Variants in PPP2R5E observed in about 807,000 individuals in gnomAD.
PPP2R5E encodes protein phosphatase 2 regulatory subunit B'epsilon.
A neutral mutation model predicts 65.3 loss-of-function variants in PPP2R5E; 4 were observed. That is an observed-to-expected ratio of 0.06 (90% confidence interval 0.03 to 0.14). The LOEUF (loss-of-function observed/expected upper bound fraction) is 0.14. Ranked by LOEUF, PPP2R5E falls within the 10% of genes least tolerant of loss-of-function variation. PPP2R5E has a pLI of 1.00. For synonymous variants in PPP2R5E, 183 were observed against 187.4 expected (o/e 0.98, Z 0.19); for missense variants, 274 against 556.1 (o/e 0.49, Z 5.10).
chr14:63,511,061 A>T (rs1892433321), intron 2 of PPP2R5E, among the ~76,000 whole-genome samples: 1 of 152,190 alleles, frequency 6.6e-6, no homozygotes, highest in Non-Finnish European at 1.5e-5. Flanking sequence ...AATGGCCACA[A>T]ATTCTTTCCC....
At position 63,533,630 on chromosome 14, in the gene PPP2R5E, T is replaced by A. The variant is rs368986314; in HGVS notation, c.157+5899A>T. 3.8e-4 allele frequency among the ~76,000 whole-genome samples: 57 copies of A among 149,730 alleles called. 1 individual carries two copies. The highest frequency in any genetic ancestry group is 1.4e-3 in the African/African-American group (56 of 40,718). On this transcript the variant is annotated intron_variant, in intron 2 of 13. Transcript: ENST00000337537. ...ATCTGCAAAATGCCTCGGAAATGTA[T>A]AATGAATTGTGAGACAAGAAATAAC... is the stretch of plus-strand genomic sequence containing the variant.
intron 4 of PPP2R5E, among the ~76,000 whole-genome samples, chr14:63,417,646 G>A (rs556473625): frequency 3.3e-5 from 5 of 152,264 alleles, no homozygotes; most frequent in African/African-American, 1.2e-4. Flanking sequence ...GTGCTTGAGG[G>A]TCAAAATGTA....
At chr14:63,522,286 G>A (rs1338637179) in intron 2 of PPP2R5E, among the ~76,000 whole-genome samples, 3 of 151,946 alleles carry the variant, frequency 2.0e-5, no homozygotes, top group Non-Finnish European at 4.4e-5. Flanking sequence ...CGTGATCTCG[G>A]CTCGCTACAA....
chr14:63,531,639 G>T (rs1000810738), intron 2 of PPP2R5E, among the ~76,000 whole-genome samples: 1 of 151,944 alleles, frequency 6.6e-6, no homozygotes, highest in Non-Finnish European at 1.5e-5. Context: ...CGAAAGTAAA[G>T]CTTATGGTTA....
intron 3 of PPP2R5E, among the ~76,000 whole-genome samples, chr14:63,448,647 G>C (rs988352321): frequency 2.0e-5 from 3 of 152,110 alleles, no homozygotes; most frequent in Non-Finnish European, 2.9e-5. Context: ...AAATTAGCCA[G>C]GCGTGGTGGC....
rs568806913 is a variant in PPP2R5E, at chr14:63,423,377, G to A, written c.355-1283C>T. Among the ~76,000 whole-genome samples, 42 of 152,302 alleles carry A rather than the reference G, an allele frequency of 2.8e-4. No homozygotes were observed. In the Middle Eastern group the frequency reaches 0.01, roughly 37 times the overall value. On this transcript the variant is annotated intron_variant, in intron 3 of 13. Coordinates refer to ENST00000337537, the MANE Select transcript of PPP2R5E (RefSeq NM_006246.5). The stretch of plus-strand genomic sequence containing the variant: ...CTCCCAAAGTGCAGGGATTACAGGC[G>A]TGAGACACCACACCTGGCCTATTAC...
chr14:63,511,771 CA>C (rs1352031204), intron 2 of PPP2R5E, among the ~76,000 whole-genome samples: 3 of 151,950 alleles, frequency 2.0e-5, no homozygotes, highest in Non-Finnish European at 4.4e-5. Flanking sequence ...GTTCTCTGTG[CA>C]AAAAATTACC....
intron 2 of PPP2R5E, among the ~76,000 whole-genome samples, chr14:63,477,082 G>C (rs1293841239): frequency 6.6e-6 from 1 of 151,950 alleles, no homozygotes; most frequent in Non-Finnish European, 1.5e-5. Flanking sequence ...GCTTATAAAG[G>C]CCACAATACC....
chr14:63,536,241 A>C (rs954024144), intron 2 of PPP2R5E, among the ~76,000 whole-genome samples: 2 of 152,200 alleles, frequency 1.3e-5, no homozygotes, highest in Non-Finnish European at 2.9e-5. Flanking sequence ...TAAAAGTGAG[A>C]AAAAGGATAC....
At chr14:63,409,852 G>T (rs1166499378) in intron 5 of PPP2R5E, among the ~76,000 whole-genome samples, 1 of 152,148 alleles carries the variant, frequency 6.6e-6, no homozygotes, top group East Asian at 1.9e-4. Flanking sequence ...ATTCAGGCTT[G>T]GACAACAGGT....
intron 11 of PPP2R5E, among the ~76,000 whole-genome samples, chr14:63,385,480 G>A (rs1884607678): frequency 6.6e-6 from 1 of 152,044 alleles, no homozygotes; most frequent in Non-Finnish European, 1.5e-5. Flanking sequence ...CATCTCACTG[G>A]TCCCCTTTCT....
At chr14:63,416,657 C>T (rs1015205795) in intron 4 of PPP2R5E, among the ~76,000 whole-genome samples, 1 of 150,980 alleles carries the variant, frequency 6.6e-6, no homozygotes, top group Non-Finnish European at 1.5e-5. Context: ...TAAAATTTCA[C>T]TGTTTCATTT....
intron 2 of PPP2R5E, among the ~76,000 whole-genome samples, chr14:63,467,202 G>A (rs570309649): frequency 5.7e-4 from 78 of 137,928 alleles, no homozygotes; most frequent in African/African-American, 2.2e-3. Flanking sequence ...CAGCCTGGGT[G>A]ACAGAGCAAG....
chr14:63,377,719 C>T (rs569281326), intron 13 of PPP2R5E, among the ~76,000 whole-genome samples: 1 of 152,294 alleles, frequency 6.6e-6, no homozygotes, highest in African/African-American at 2.4e-5. Context: ...ATCTCAAATA[C>T]AAATCTGCAC....
chr14:63,453,092 G>GT (rs1404654884), intron 3 of PPP2R5E: 1 of 152,150 alleles, frequency 6.6e-6, no homozygotes, highest in Non-Finnish European at 1.5e-5. Flanking sequence ...TGTTCACACA[G>GT]TAAGAATGTA....
chr14:63,450,094 T>G (rs1888728324), intron 3 of PPP2R5E, among the ~76,000 whole-genome samples: 1 of 152,126 alleles, frequency 6.6e-6, no homozygotes, highest in Non-Finnish European at 1.5e-5. Context: ...CAGGCTAGTC[T>G]CAAACTCCTG....
At chr14:63,470,521 C>T (rs1350712160) in intron 2 of PPP2R5E, among the ~76,000 whole-genome samples, 1 of 150,512 alleles carries the variant, frequency 6.6e-6, no homozygotes, top group Non-Finnish European at 1.5e-5. Context: ...ATCCTGTCTA[C>T]TAAAGGGTTA....
At chr14:63,433,032 G>GTTTTTTTTTTTTTTTTTTTTT (rs747571866) in intron 3 of PPP2R5E, among the ~76,000 whole-genome samples, 6 of 96,464 alleles carry the variant, frequency 6.2e-5, no homozygotes, top group African/African-American at 1.1e-4. Context: ...GTTTTGTTTT[G>GTTTTTTTTTTTTTTTTTTTTT]TTTTTTTTTT....
chr14:63,515,286 G>A (rs10467817), intron 2 of PPP2R5E, among the ~76,000 whole-genome samples: 16,321 of 152,156 alleles, frequency 0.11, 926 homozygotes, highest in East Asian at 0.16. Flanking sequence ...TGAAGCTTTC[G>A]CTTCAGAGTC....
Sources: gnomAD v4.1 joint callset for allele counts (sites outside exome capture counted in the v4.1 genomes callset) on GRCh38, gnomAD v4.1.1 for gene constraint, MANE v1.5 for transcripts, NCBI Gene and HGNC (gene_info 2026-07-23, HGNC 2026-07-21) for gene names.